Variants in COX5A observed in about 807,000 individuals in gnomAD.
The protein encoded by COX5A is cytochrome c oxidase subunit 5A, mitochondrial.
A neutral mutation model predicts 16.1 loss-of-function variants in COX5A; 6 were observed. That is an observed-to-expected ratio of 0.37 (90% CI 0.20 to 0.73). The LOEUF is 0.73. Among genes scored for constraint, COX5A ranks in the 30% least tolerant of loss-of-function variants. COX5A has a pLI of 0.50. For missense variants in COX5A, 159 were observed against 194.9 expected, an observed-to-expected ratio of 0.82 and a Z score of 1.10; for synonymous variants, 73 against 73.8, an observed-to-expected ratio of 0.99 and a Z score of 0.06.
In COX5A at chr15:74,930,403, C is replaced by A. The variant is rs1275496603; in HGVS notation, c.101-1171G>T. The stretch of plus-strand genomic sequence containing the variant: ...ACTGCACTCCAGCCTGGCGACAGAG[C>A]GAGACTCCGCCTCAAAAAAAAAAAA... On this transcript the variant is annotated intron_variant, in intron 1 of 4. Coordinates refer to ENST00000322347, the MANE Select transcript of COX5A (RefSeq NM_004255.4). 4.5e-4 allele frequency among the ~76,000 whole-genome samples: 54 copies of A among 119,108 alleles called. 1 individual carries two copies. In the Admixed American group the frequency reaches 5.8e-3, roughly 13 times the overall value. 78.1% of individuals were successfully genotyped at this position (119,108 alleles called of 152,430 possible).
intron 4 of COX5A, among the ~76,000 whole-genome samples, chr15:74,922,531 A>T (rs2065325894): frequency 6.6e-6 from 1 of 152,142 alleles, no homozygotes; most frequent in African/African-American, 2.4e-5. Flanking sequence ...TAACTAAAGG[A>T]GACAGGGTCT....
At chr15:74,931,666 G>A (rs959029830) in intron 1 of COX5A, among the ~76,000 whole-genome samples, 3 of 149,274 alleles carry the variant, frequency 2.0e-5, no homozygotes, top group African/African-American at 5.0e-5. Flanking sequence ...TGATTCTCCT[G>A]CCTCAGCCTT....
chr15:74,932,934 G>C (rs998362272), intron 1 of COX5A, among the ~76,000 whole-genome samples: 11 of 151,592 alleles, frequency 7.3e-5, no homozygotes, highest in African/African-American at 2.7e-4. Context: ...TTGACCTCAT[G>C]ATCTGCCTGC....
intron 2 of COX5A, among the ~76,000 whole-genome samples, chr15:74,928,085 G>A (rs2065351494): frequency 6.6e-6 from 1 of 152,114 alleles, no homozygotes; most frequent in Admixed American, 6.6e-5. Flanking sequence ...TGTAGCAAAA[G>A]GGAATCATTA....
chr15:74,924,204 A>AAACAG (rs1449146383), intron 3 of COX5A, among the ~76,000 whole-genome samples: 1 of 151,872 alleles, frequency 6.6e-6, no homozygotes, highest in Non-Finnish European at 1.5e-5. Context: ...AAACAAAACA[A>AAACAG]AACAGGTCAT....
chr15:74,922,992 G>GCAACAATA (rs2065328568), intron 4 of COX5A, among the ~76,000 whole-genome samples: 1 of 152,084 alleles, frequency 6.6e-6, no homozygotes, highest in Non-Finnish European at 1.5e-5. Context: ...AGCAAATGTG[G>GCAACAATA]CAACAATAAA....
chr15:74,935,624 T>TA (rs1161135398), intron 1 of COX5A, among the ~76,000 whole-genome samples: 12 of 150,172 alleles, frequency 8.0e-5, no homozygotes, highest in Non-Finnish European at 1.8e-4. Context: ...AATAAATAAA[T>TA]AAATAAAAAA....
intron 1 of COX5A, among the ~76,000 whole-genome samples, chr15:74,933,813 A>T (rs951574959): frequency 1.3e-5 from 2 of 152,184 alleles, no homozygotes; most frequent in African/African-American, 4.8e-5. Flanking sequence ...CTTCATGATA[A>T]GCAATTCGTT....
intron 1 of COX5A, among the ~76,000 whole-genome samples, chr15:74,935,610 AAT>A (rs2065385989): frequency 6.9e-5 from 8 of 116,730 alleles, no homozygotes; most frequent in Admixed American, 4.1e-4. Flanking sequence ...AAAAAAAAAA[AAT>A]AAATAAATAA....
intron 1 of COX5A, among the ~76,000 whole-genome samples, chr15:74,929,686 C>T (rs1366579759): frequency 1.3e-5 from 2 of 152,130 alleles, no homozygotes; most frequent in Non-Finnish European, 2.9e-5. Flanking sequence ...ATTACCCGAG[C>T]CCAGGAGTTC....
chr15:74,929,292 C>A, intron 1 of COX5A, 60 bp from the exon 2 acceptor site: 1 of 1,205,300 alleles, frequency 8.3e-7, no homozygotes, highest in South Asian at 1.2e-5. Flanking sequence ...ATATTTTGTT[C>A]AATGCATTAA....
At position 74,938,038 on chromosome 15, in the gene COX5A, T is replaced by C; in HGVS notation, c.-24A>G. On this transcript the variant is annotated 5_prime_UTR_variant, in exon 1 of 5. Transcript: ENST00000322347. ...ATGACGGCGATGGCGGCGCGCGGGC[T>C]GAGGACAGAGAGAAGCCGGTGTAAG... 1 of 1,224,032 alleles carries C rather than the reference T, an allele frequency of 8.2e-7. No individual in the cohort carries two copies. Among genetic ancestry groups the C allele is most frequent in the Non-Finnish European group, 1.0e-6 (1 of 982,014 alleles). 75.8% of individuals were successfully genotyped at this position (1,224,032 alleles called of 1,614,324 possible).
chr15:74,924,370 C>T (rs1448988749), intron 3 of COX5A, among the ~76,000 whole-genome samples: 2 of 151,956 alleles, frequency 1.3e-5, no homozygotes, highest in Non-Finnish European at 2.9e-5. Context: ...AACCCCGTCT[C>T]TACTAAAAAT....
At chr15:74,928,895 A>G (rs2065354767) in intron 2 of COX5A, among the ~76,000 whole-genome samples, 1 of 152,194 alleles carries the variant, frequency 6.6e-6, no homozygotes, top group Non-Finnish European at 1.5e-5. Flanking sequence ...TACAGTGTAA[A>G]GGACAGTCCC....
At chr15:74,926,013 G>T (rs1420003343) in intron 3 of COX5A, among the ~76,000 whole-genome samples, 2 of 145,148 alleles carry the variant, frequency 1.4e-5, no homozygotes, top group Non-Finnish European at 3.0e-5. Context: ...TTACAGGCAT[G>T]TGCCACCATG....
At chr15:74,933,029 A>G (rs1274384285) in intron 1 of COX5A, among the ~76,000 whole-genome samples, 2 of 152,130 alleles carry the variant, frequency 1.3e-5, no homozygotes, top group Non-Finnish European at 2.9e-5. Context: ...ATGGATCTCT[A>G]CACCTAAATA....
At chr15:74,923,183 T>A (rs2065329452) in intron 4 of COX5A, among the ~76,000 whole-genome samples, 1 of 151,836 alleles carries the variant, frequency 6.6e-6, no homozygotes, top group Admixed American at 6.6e-5. Flanking sequence ...CCCAGCACTT[T>A]GGGAGGCCAA....
intron 3 of COX5A, among the ~76,000 whole-genome samples, chr15:74,925,816 A>G (rs2065340688): frequency 6.6e-6 from 1 of 151,914 alleles, no homozygotes; most frequent in Non-Finnish European, 1.5e-5. Context: ...AGATGAATAC[A>G]CTTTGTAGTT....
At chr15:74,926,940 T>G in intron 2 of COX5A, 53 bp from the exon 3 acceptor site, 1 of 1,574,448 alleles carries the variant, frequency 6.4e-7, no homozygotes, top group Non-Finnish European at 8.6e-7. Context: ...TCACTTAAAC[T>G]ATGAGTTATT....
Sources: allele counts gnomAD v4.1 joint callset (sites outside exome capture counted in the v4.1 genomes callset), GRCh38; gene constraint gnomAD v4.1.1; transcripts MANE v1.5; gene names NCBI Gene and HGNC (gene_info 2026-07-23, HGNC 2026-07-21).